VAT1L: variants seen among roughly 807,000 people sequenced by gnomAD.
VAT1L encodes putative NADPH-dependent quinone oxidoreductase VAT1L.
VAT1L carries 34 observed loss-of-function variants against 44.1 expected under a neutral mutation model. The observed-to-expected ratio is 0.77, with a 90% CI of 0.59 to 1.03. The LOEUF (loss-of-function observed/expected upper bound fraction) is 1.03, where lower values mean the gene tolerates loss of function less well. Among genes scored for constraint, VAT1L ranks in the 50% least tolerant of loss-of-function variants. The probability of loss-of-function intolerance (pLI) is 0.00; values close to 1 mark genes in which losing one functional copy is unlikely to be tolerated. For synonymous variants in VAT1L, 253 were observed against 202.2 expected (o/e 1.25, Z -2.13); for missense variants, 615 against 538.8 (o/e 1.14, Z -1.40).
At chr16:77,919,321 A>G (rs1266363013) in intron 7 of VAT1L, among the ~76,000 whole-genome samples, 1 of 152,190 alleles carries the variant, frequency 6.6e-6, no homozygotes, top group Non-Finnish European at 1.5e-5. Context: ...TGCTGTTTTG[A>G]TTGGAAAGGA....
At chr16:77,947,222 A>G (rs1385047569) in intron 7 of VAT1L, among the ~76,000 whole-genome samples, 1 of 152,210 alleles carries the variant, frequency 6.6e-6, no homozygotes, top group African/African-American at 2.4e-5. Context: ...AGCGCTCACA[A>G]GACCATCTGC....
chr16:77,963,342 G>A (rs1160018831), intron 7 of VAT1L, among the ~76,000 whole-genome samples: 1 of 152,146 alleles, frequency 6.6e-6, no homozygotes, highest in Non-Finnish European at 1.5e-5. Flanking sequence ...GCTCTACCCT[G>A]CTGGCTTTGA....
chr16:77,866,144 T>A (rs949231071), intron 4 of VAT1L, among the ~76,000 whole-genome samples: 15 of 152,132 alleles, frequency 9.9e-5, no homozygotes, highest in African/African-American at 3.4e-4. Context: ...CCTCAGGAAA[T>A]AAGAAGAGCA....
At chr16:77,926,156 G>C (rs974000210) in intron 7 of VAT1L, among the ~76,000 whole-genome samples, 2 of 151,542 alleles carry the variant, frequency 1.3e-5, no homozygotes, top group African/African-American at 2.4e-5. Context: ...AGGAGGCTGA[G>C]GCAGGAGAGT....
At chr16:77,977,448 A>G in intron 8 of VAT1L, 149 bp from the exon 9 acceptor site, 2 of 697,868 alleles carry the variant, frequency 2.9e-6, no homozygotes, top group South Asian at 3.8e-5. Context: ...TGCCCAACAT[A>G]TGACAGCTAA....
chr16:77,801,224 A>G (rs1277596638), intron 1 of VAT1L: 2 of 152,122 alleles, frequency 1.3e-5, no homozygotes, highest in African/African-American at 4.8e-5. Flanking sequence ...CTACCCGTGA[A>G]AAAGCATGAT....
At chr16:77,924,607 T>A (rs2017646354) in intron 7 of VAT1L, among the ~76,000 whole-genome samples, 1 of 152,094 alleles carries the variant, frequency 6.6e-6, no homozygotes, top group African/African-American at 2.4e-5. Context: ...ATTACATACG[T>A]ATGCCACCAC....
At chr16:77,816,838 A>G in intron 1 of VAT1L, 83 bp from the exon 2 acceptor site, 2 of 1,468,556 alleles carry the variant, frequency 1.4e-6, no homozygotes, top group South Asian at 2.9e-5. Context: ...GGAGGAAAAG[A>G]AAAGAAAGAA....
chr16:77,795,036 G>A (rs543156725), intron 1 of VAT1L, among the ~76,000 whole-genome samples: 68 of 152,112 alleles, frequency 4.5e-4, no homozygotes, highest in Non-Finnish European at 7.5e-4. Context: ...TGAGAACAAA[G>A]AAATAAGTTT....
intron 7 of VAT1L, among the ~76,000 whole-genome samples, chr16:77,926,071 G>T (rs1038171933): frequency 6.6e-6 from 1 of 150,976 alleles, no homozygotes; most frequent in Non-Finnish European, 1.5e-5. Flanking sequence ...GACCATCCTG[G>T]CTAACACTGT....
intron 3 of VAT1L, among the ~76,000 whole-genome samples, chr16:77,840,443 G>A (rs1328092467): frequency 3.3e-5 from 5 of 152,130 alleles, no homozygotes. Context: ...AGTAGTTAGA[G>A]TATCAGGAGC....
At chr16:77,956,477 A>T (rs77963148) in intron 7 of VAT1L, among the ~76,000 whole-genome samples, 2,403 of 152,276 alleles carry the variant, frequency 0.016, 64 homozygotes, top group African/African-American at 0.054. Flanking sequence ...AGCACTTGTC[A>T]TATGTCAGCT....
intron 1 of VAT1L, among the ~76,000 whole-genome samples, chr16:77,805,680 T>C (rs895715775): frequency 2.7e-5 from 4 of 150,914 alleles, no homozygotes; most frequent in African/African-American, 9.7e-5. Context: ...AAGCTTTCTA[T>C]TGAGAATTTG....
intron 3 of VAT1L, among the ~76,000 whole-genome samples, chr16:77,855,609 G>A (rs2016850456): frequency 6.6e-6 from 1 of 152,096 alleles, no homozygotes; most frequent in Non-Finnish European, 1.5e-5. Context: ...GTACTTTAAT[G>A]GTTTATTTAT....
intron 7 of VAT1L, among the ~76,000 whole-genome samples, chr16:77,915,427 G>T (rs186576704): frequency 2.6e-4 from 39 of 152,196 alleles, no homozygotes; most frequent in Admixed American, 3.9e-4. Context: ...GATGTTTAGA[G>T]TCCATCTGGG....
At chr16:77,947,223 G>A (rs1290266572) in intron 7 of VAT1L, among the ~76,000 whole-genome samples, 1 of 152,160 alleles carries the variant, frequency 6.6e-6, no homozygotes, top group African/African-American at 2.4e-5. Context: ...GCGCTCACAA[G>A]ACCATCTGCT....
At chr16:77,962,919 C>T (rs934864148) in intron 7 of VAT1L, among the ~76,000 whole-genome samples, 3 of 152,016 alleles carry the variant, frequency 2.0e-5, no homozygotes, top group Admixed American at 1.3e-4. Flanking sequence ...GCACTCCAGC[C>T]GGGACAATAG....
At chr16:77,913,834 C>T (rs1248022155) in intron 7 of VAT1L, among the ~76,000 whole-genome samples, 2 of 152,098 alleles carry the variant, frequency 1.3e-5, no homozygotes, top group Non-Finnish European at 2.9e-5. Flanking sequence ...CATAAAAATA[C>T]AATAAATTTG....
chr16:77,896,437 G>A (rs889625783), intron 7 of VAT1L, among the ~76,000 whole-genome samples: 15 of 152,132 alleles, frequency 9.9e-5, no homozygotes, highest in Non-Finnish European at 1.6e-4. Context: ...ACCTTCCTTC[G>A]GTTTCTATTT....
Sources: gnomAD v4.1 joint callset for allele counts (sites outside exome capture counted in the v4.1 genomes callset) on GRCh38, gnomAD v4.1.1 for gene constraint, MANE v1.5 for transcripts, NCBI Gene and HGNC (gene_info 2026-07-23, HGNC 2026-07-21) for gene names.